Variants in UBAP2 observed in about 807,000 individuals in gnomAD.
UBAP2 encodes ubiquitin associated protein 2.
A neutral mutation model predicts 139.6 loss-of-function variants in UBAP2; 75 were observed. The ratio of observed to expected loss-of-function variants is 0.54; its 90% CI spans 0.45 to 0.65. The LOEUF is 0.65. Among genes scored for constraint, UBAP2 ranks in the 30% least tolerant of loss-of-function variants. UBAP2 has a pLI of 0.00. For missense variants in UBAP2, 1,368 were observed against 1,369.6 expected, an observed-to-expected ratio of 1.00 and a Z score of 0.02; for synonymous variants, 526 against 526.2, an observed-to-expected ratio of 1.00 and a Z score of 0.01.
intron 4 of UBAP2, among the ~76,000 whole-genome samples, chr9:33,992,593 C>T (rs10971836): frequency 0.23 from 30,398 of 131,366 alleles, 3,818 homozygotes; most frequent in East Asian, 0.61. Flanking sequence ...GATACCCTCC[C>T]CATCCTACTG....
At chr9:34,046,363 C>T (rs1490216416) in intron 1 of UBAP2, among the ~76,000 whole-genome samples, 1 of 151,230 alleles carries the variant, frequency 6.6e-6, no homozygotes, top group African/African-American at 2.4e-5. Context: ...GAAGTAAAGG[C>T]TTCATGCCGG....
chr9:33,948,116 T>C lies in UBAP2; in HGVS notation c.1270+258A>G, dbSNP rs186548329. 7.9e-5 allele frequency among the ~76,000 whole-genome samples: 12 copies of C among 152,242 alleles called. No individual in the cohort carries two copies. The East Asian group carries it at 2.3e-3, about 29-fold the overall frequency. ...TGTTAGATGTTCATATTTGCATGCT[T>C]TTACCATACTTTTCAAGGCATGTAC... On this transcript the variant is annotated intron_variant, in intron 13 of 28. Transcript: ENST00000379238.
chr9:33,932,590 G>C lies in UBAP2; in HGVS notation c.2147C>G (p.Ala716Gly). The C allele has an allele frequency of 6.2e-7, 1 of 1,614,090 alleles. No individual in the cohort carries two copies. Among genetic ancestry groups the C allele is most frequent in the Non-Finnish European group, 8.5e-7 (1 of 1,180,036 alleles). ...SSHQSSLSAH[A>G]ALSSSTSHTH... ...GTGTGACGTGCTCGAGGAGAGGGCTGCATGTGCAGAGAGGCTGCTCTGGTG... is the reference window on the plus strand; with the variant it reads ...GTGTGACGTGCTCGAGGAGAGGGCTCCATGTGCAGAGAGGCTGCTCTGGTG... The change falls in exon 19 of 29, where the codon GCA (alanine) becomes GGA (glycine). Residue 716 changes from alanine to glycine, a missense_variant. Physicochemically the swap from Ala to Gly is moderately conservative, Grantham distance 60. Transcript: ENST00000379238.
chr9:34,027,766 C>T (rs1825534895), intron 1 of UBAP2, among the ~76,000 whole-genome samples: 2 of 150,346 alleles, frequency 1.3e-5, no homozygotes, highest in African/African-American at 2.5e-5. Context: ...GAGACTGAGG[C>T]AGGAGAATGG....
intron 12 of UBAP2, among the ~76,000 whole-genome samples, chr9:33,949,825 A>G (rs1292176563): frequency 1.3e-5 from 2 of 152,232 alleles, no homozygotes; most frequent in Non-Finnish European, 2.9e-5. Context: ...TTTGAAGTTG[A>G]GCAAATACCA....
rs570317153 is a variant in UBAP2 at position 33,955,449 on chromosome 9, G to A, written c.866+630C>T. Reference sequence around the variant, plus strand: ...CAGAAGAATCACTTGAACTCAGGACGGCGGGGGTTGCAGTGAGCCGAGATC... The same window carrying A: ...CAGAAGAATCACTTGAACTCAGGACAGCGGGGGTTGCAGTGAGCCGAGATC... On this transcript the variant is annotated intron_variant, in intron 11 of 28. Transcript: ENST00000379238. 3.0e-3 allele frequency among the ~76,000 whole-genome samples: 371 copies of A among 125,286 alleles called. 2 individuals carry two copies. The highest frequency in any genetic ancestry group is 0.011 in the African/African-American group (347 of 31,514). The allele number at this position is 125,286 out of a possible 152,430, so 82.2% of individuals were successfully genotyped here. A position where few individuals can be genotyped will look rare whatever the true frequency, so the allele number is the denominator to read the frequency against.
intron 1 of UBAP2, among the ~76,000 whole-genome samples, chr9:34,030,928 C>G (rs1009928918): frequency 2.6e-5 from 4 of 151,350 alleles, no homozygotes; most frequent in Admixed American, 1.3e-4. Context: ...AGACTCATCT[C>G]AAAAAAATTA....
chr9:34,016,355 C>T (rs1587665421), intron 2 of UBAP2, among the ~76,000 whole-genome samples: 1 of 37,704 alleles, frequency 2.7e-5, no homozygotes, highest in Admixed American at 4.5e-4. Flanking sequence ...GAGGAGGCAG[C>T]AGCGGCGGCA....
intron 1 of UBAP2, among the ~76,000 whole-genome samples, chr9:34,043,725 C>T (rs1259337679): frequency 1.3e-5 from 2 of 151,928 alleles, no homozygotes; most frequent in African/African-American, 2.4e-5. Flanking sequence ...CGAACTCCTG[C>T]TCAAGAAATC....
intron 1 of UBAP2, among the ~76,000 whole-genome samples, chr9:34,045,466 C>G (rs890304035): frequency 6.6e-6 from 1 of 152,052 alleles, no homozygotes; most frequent in African/African-American, 2.4e-5. Flanking sequence ...CTCCACCTCC[C>G]AGGTTCAAGC....
chr9:33,981,768 TAGGTAGGAAGGTAGGA>T (rs201096604), intron 6 of UBAP2, among the ~76,000 whole-genome samples: 1 of 130,820 alleles, frequency 7.6e-6, no homozygotes. Context: ...GGTAGGTAGG[TAGGTAGGAAGGTAGGA>T]AGGAAGGAAG....
At chr9:33,940,171 T>G (rs1825082728) in intron 16 of UBAP2, among the ~76,000 whole-genome samples, 1 of 152,140 alleles carries the variant, frequency 6.6e-6, no homozygotes, top group Non-Finnish European at 1.5e-5. Context: ...CAGGCAGATT[T>G]AATATGGGAA....
intron 1 of UBAP2, among the ~76,000 whole-genome samples, chr9:34,038,064 G>A (rs1826605420): frequency 6.8e-6 from 1 of 147,368 alleles, no homozygotes; most frequent in Non-Finnish European, 1.5e-5. Flanking sequence ...AGGTACCCAA[G>A]AGGCTAAGGT....
intron 11 of UBAP2, among the ~76,000 whole-genome samples, chr9:33,955,823 G>A (rs1437914771): frequency 3.5e-5 from 5 of 143,260 alleles, no homozygotes; most frequent in Non-Finnish European, 7.6e-5. Flanking sequence ...GCAAAACTAC[G>A]TCTCAAAATA....
Position 33,923,872 on chromosome 9 carries a change from G to C in UBAP2, c.2719C>G (p.Pro907Ala), listed in dbSNP as rs1373549523. 1.2e-6 allele frequency: 2 copies of C among 1,614,124 alleles called. No individual in the cohort carries two copies. Among genetic ancestry groups the C allele is most frequent in the South Asian group, 2.2e-5 (2 of 91,080 alleles). ...AGACCAGTGTAGCTATAGCCAGGTG[G>C]CAGTGCAGGATTCACGAAGGGCTGC... ...AQQPFVNPAL[P>A]PGYSYTGLPY... Residue 907 changes from proline to alanine, a missense_variant, in exon 24 of 29, where the codon CCA becomes GCA. Pro to Ala is a conservative substitution (Grantham distance 27, BLOSUM62 -1). Transcript: ENST00000379238.
intron 6 of UBAP2, among the ~76,000 whole-genome samples, chr9:33,976,407 T>A (rs1339165153): frequency 1.3e-5 from 2 of 152,178 alleles, no homozygotes; most frequent in Admixed American, 1.3e-4. Context: ...ACCCAAAACA[T>A]TATCTAAGAG....
chr9:34,039,467 AAAG>A (rs1178004261), intron 1 of UBAP2, among the ~76,000 whole-genome samples: 1 of 152,208 alleles, frequency 6.6e-6, no homozygotes, highest in Non-Finnish European at 1.5e-5. Flanking sequence ...GTTTGTGTAG[AAAG>A]AAGTAGACAT....
At chr9:33,949,375 A>G (rs1008406719) in intron 12 of UBAP2, among the ~76,000 whole-genome samples, 1 of 152,062 alleles carries the variant, frequency 6.6e-6, no homozygotes, top group African/African-American at 2.4e-5. Context: ...GTACAGTCAA[A>G]GAAGAGATCA....
At chr9:33,938,852 T>C (rs1232643564) in intron 16 of UBAP2, 2 of 436,364 alleles carry the variant, frequency 4.6e-6, no homozygotes, top group Non-Finnish European at 4.5e-6. Context: ...ATGGTTTTTC[T>C]TGTTTCAGTG....
Sources: gnomAD v4.1 joint callset for allele counts (sites outside exome capture counted in the v4.1 genomes callset) on GRCh38, gnomAD v4.1.1 for gene constraint, MANE v1.5 for transcripts, NCBI Gene and HGNC (gene_info 2026-07-23, HGNC 2026-07-21) for gene names.